The following SRBD1 variants were observed in gnomAD, a reference collection of about 807,000 sequenced individuals.
SRBD1 encodes S1 RNA-binding domain-containing protein 1.
In SRBD1, 88 loss-of-function variants were observed where a neutral mutation model predicts 115.3. The ratio of observed to expected loss-of-function variants is 0.76; its 90% CI spans 0.64 to 0.91. The LOEUF (loss-of-function observed/expected upper bound fraction) is 0.91. SRBD1 is among the 40% of genes least tolerant of loss of function. SRBD1 has a pLI of 0.00. For missense variants in SRBD1, 1,385 were observed against 1,177.4 expected (o/e 1.18, Z -2.58); for synonymous variants, 509 against 407.7 (o/e 1.25, Z -2.99).
At chr2:45,500,828 G>A (rs1670609557) in intron 14 of SRBD1, among the ~76,000 whole-genome samples, 1 of 152,152 alleles carries the variant, frequency 6.6e-6, no homozygotes, top group South Asian at 2.1e-4. Flanking sequence ...ATAAGATGGT[G>A]TTGTCTGTAA....
At chr2:45,415,581 A>C (rs1667795415) in intron 18 of SRBD1, among the ~76,000 whole-genome samples, 1 of 143,192 alleles carries the variant, frequency 7.0e-6, no homozygotes, top group East Asian at 2.1e-4. Context: ...AGGTTAAAAA[A>C]CAAAAATATA....
At chr2:45,546,648 A>C in intron 14 of SRBD1, 84 bp downstream of exon 14, 1 of 1,333,416 alleles carries the variant, frequency 7.5e-7, no homozygotes, top group Non-Finnish European at 1.1e-6. Flanking sequence ...GTACATCTTA[A>C]AAAGAGAAGG....
At chr2:45,574,593 A>C in intron 8 of SRBD1, 34 bp downstream of exon 8, 6 of 1,592,710 alleles carry the variant, frequency 3.8e-6, no homozygotes, top group Non-Finnish European at 4.3e-6. Context: ...GCATGAGTCC[A>C]TAAAGCAGAA....
intron 20 of SRBD1, among the ~76,000 whole-genome samples, chr2:45,392,243 A>G (rs530264973): frequency 2.6e-5 from 4 of 152,298 alleles, no homozygotes; most frequent in Non-Finnish European, 5.9e-5. Context: ...TGCAGCCTAA[A>G]CCAGAATAAA....
At chr2:45,608,482 C>A (rs780030949) in intron 1 of SRBD1, among the ~76,000 whole-genome samples, 41 of 152,146 alleles carry the variant, frequency 2.7e-4, no homozygotes, top group Non-Finnish European at 7.4e-5. Flanking sequence ...TTCTTGAGGC[C>A]TGTTTCTCCA....
chr2:45,469,153 T>G (rs1037187140), intron 16 of SRBD1, among the ~76,000 whole-genome samples: 1 of 152,212 alleles, frequency 6.6e-6, no homozygotes, highest in Non-Finnish European at 1.5e-5. Flanking sequence ...TCCCTGTCTA[T>G]GGATGGTCTA....
rs144671252 is a variant in SRBD1, at chr2:45,484,967, C to T, written c.1966+3273G>A. Among the ~76,000 whole-genome samples, 771 of 152,196 alleles carry T rather than the reference C, an allele frequency of 5.1e-3. 2 individuals carry two copies. Among genetic ancestry groups the T allele is most frequent in the African/African-American group, 0.011 (455 of 41,512 alleles). On this transcript the variant is annotated intron_variant, in intron 15 of 20. Transcript: ENST00000263736. ...ATGATATTCTATTGTATGGCTATACCACATTTTGTTCATTCTTTCATCATG... is the reference window on the plus strand; with the variant it reads ...ATGATATTCTATTGTATGGCTATACTACATTTTGTTCATTCTTTCATCATG...
Position 45,389,547 on chromosome 2 carries a change from C to T in SRBD1, c.2751G>A (p.Gln917=). 4 of 1,614,036 alleles carry T rather than the reference C, an allele frequency of 2.5e-6. No individual in the cohort carries two copies. Among genetic ancestry groups the T allele is most frequent in the Non-Finnish European group, 3.4e-6 (4 of 1,179,950 alleles). ...KRSIVCLEDL[Q]IGTVLTGKVE... is the part of the protein sequence containing the mutation. ...CTTTGCCTGTAAGAACTGTCCCAAT[C>T]TGCAGATCTTCCAGGCATACTATGC... Residue 917 remains glutamine (Q), a synonymous_variant, in exon 21 of 21, where the codon CAG becomes CAA. Transcript: ENST00000263736.
At chr2:45,516,530 T>C (rs1671122857) in intron 14 of SRBD1, among the ~76,000 whole-genome samples, 1 of 152,178 alleles carries the variant, frequency 6.6e-6, no homozygotes, top group East Asian at 1.9e-4. Flanking sequence ...AACAGATATA[T>C]CTGGAATAGT....
At chr2:45,569,089 G>C (rs1425502198) in intron 9 of SRBD1, 2 of 147,406 alleles carry the variant, frequency 1.4e-5, no homozygotes, top group East Asian at 3.9e-4. Context: ...TAACCTTTCA[G>C]GAAATACTTG....
Position 45,547,518 on chromosome 2 carries a change from A to C in SRBD1, c.1766+4T>G. ...TATATTCAAAAGATTACTTATTTTC[A>C]TACTTGAAATTCAGCAAAAGTGTCT... On this transcript the variant is annotated splice_donor_region_variant and intron_variant, in intron 13 of 20. Coordinates refer to ENST00000263736, the MANE Select transcript of SRBD1 (RefSeq NM_018079.5). The C allele has an allele frequency of 6.2e-7, 1 of 1,612,944 alleles. No homozygotes were observed. The highest frequency in any genetic ancestry group is 8.5e-7 in the Non-Finnish European group (1 of 1,179,210).
chr2:45,546,337 G>A (rs1215259510), intron 14 of SRBD1: 2 of 985,368 alleles, frequency 2.0e-6, no homozygotes, highest in African/African-American at 1.7e-5. Flanking sequence ...AGTTCTGAAG[G>A]GTAATGATTC....
At chr2:45,533,921 T>C (rs1009761846) in intron 14 of SRBD1, among the ~76,000 whole-genome samples, 2 of 152,018 alleles carry the variant, frequency 1.3e-5, no homozygotes, top group African/African-American at 4.8e-5. Flanking sequence ...AAAAGCAGAT[T>C]TGTAACCAAA....
intron 9 of SRBD1, among the ~76,000 whole-genome samples, chr2:45,564,900 G>A (rs1324822912): frequency 6.6e-6 from 1 of 152,058 alleles, no homozygotes; most frequent in Non-Finnish European, 1.5e-5. Flanking sequence ...GTATATGCAG[G>A]GATCCTGGAA....
intron 14 of SRBD1, among the ~76,000 whole-genome samples, chr2:45,538,928 T>C (rs1473665075): frequency 6.6e-6 from 1 of 152,088 alleles, no homozygotes; most frequent in East Asian, 1.9e-4. Flanking sequence ...AAAAGAATAT[T>C]AAATTGCCAG....
intron 14 of SRBD1, among the ~76,000 whole-genome samples, chr2:45,521,143 T>C (rs1671269650): frequency 6.6e-6 from 1 of 152,084 alleles, no homozygotes; most frequent in Non-Finnish European, 1.5e-5. Flanking sequence ...TCGCACGTCC[T>C]GCAAGGGGAG....
chr2:45,437,189 T>C (rs1044507982), intron 16 of SRBD1, among the ~76,000 whole-genome samples: 6 of 152,136 alleles, frequency 3.9e-5, no homozygotes, highest in East Asian at 1.9e-4. Flanking sequence ...TTCCCATCTA[T>C]AGATTCAACA....
intron 14 of SRBD1, among the ~76,000 whole-genome samples, chr2:45,526,938 G>C (rs1318252820): frequency 6.6e-6 from 1 of 151,838 alleles, no homozygotes. Context: ...GGGACAGCCA[G>C]GGACTTCAAA....
At chr2:45,575,728 T>TG (rs1673155148) in intron 7 of SRBD1, among the ~76,000 whole-genome samples, 1 of 152,176 alleles carries the variant, frequency 6.6e-6, no homozygotes, top group Admixed American at 6.5e-5. Flanking sequence ...TTTTCTGAGA[T>TG]GGAGTCTCAC....
Sources: gnomAD v4.1 joint callset for allele counts (sites outside exome capture counted in the v4.1 genomes callset) on GRCh38, gnomAD v4.1.1 for gene constraint, MANE v1.5 for transcripts, NCBI Gene and HGNC (gene_info 2026-07-23, HGNC 2026-07-21) for gene names.